The following MARCHF1 variants were observed in gnomAD, a reference collection of about 807,000 sequenced individuals.
MARCHF1 encodes membrane associated ring-CH-type finger 1, also known as E3 ubiquitin-protein ligase MARCHF1.
In MARCHF1, 40 loss-of-function variants were observed where a neutral mutation model predicts 54.2. The observed-to-expected ratio is 0.74, with a 90% confidence interval of 0.57 to 0.96. MARCHF1 has a LOEUF of 0.96. Ranked by LOEUF, MARCHF1 falls within the 40% of genes least tolerant of loss-of-function variation. MARCHF1 has a pLI of 0.00. For missense variants in MARCHF1, 586 were observed against 656.5 expected, an observed-to-expected ratio of 0.89 and a Z score of 1.17; for synonymous variants, 236 against 236.3, an observed-to-expected ratio of 1.00 and a Z score of 0.01.
chr4:164,351,624 T>C lies in MARCHF1; in HGVS notation c.-323+32246A>G, dbSNP rs1279151563. Among the ~76,000 whole-genome samples, 5 of 152,082 alleles carry C rather than the reference T, an allele frequency of 3.3e-5. No individual in the cohort carries two copies. The East Asian group carries it at 7.7e-4, about 24-fold the overall frequency. On this transcript the variant is annotated intron_variant, in intron 1 of 9. Transcript: ENST00000514618. ...AAAACCCATCTGTACATCACCATCA[T>C]CAAGACCAAAAGTAGATAAAACCAC...
At chr4:163,992,461 G>A (rs1024213575) in intron 2 of MARCHF1, among the ~76,000 whole-genome samples, 1 of 151,938 alleles carries the variant, frequency 6.6e-6, no homozygotes, top group Non-Finnish European at 1.5e-5. Flanking sequence ...AATAATATTA[G>A]ATCTAAATAC....
At chr4:164,208,955 T>G (rs191779593) in intron 1 of MARCHF1, among the ~76,000 whole-genome samples, 1 of 151,414 alleles carries the variant, frequency 6.6e-6, no homozygotes, top group Non-Finnish European at 1.5e-5. Context: ...TCTGTCTCTG[T>G]CTGTCTGTCT....
intron 4 of MARCHF1, among the ~76,000 whole-genome samples, chr4:163,721,880 T>A (rs1745476120): frequency 1.3e-5 from 2 of 152,040 alleles, no homozygotes; most frequent in Admixed American, 6.6e-5. Context: ...GTGACATCCC[T>A]TTTATCATTT....
At chr4:163,814,189 C>T (rs546021397) in intron 4 of MARCHF1, among the ~76,000 whole-genome samples, 103 of 152,274 alleles carry the variant, frequency 6.8e-4, no homozygotes, top group Non-Finnish European at 9.7e-4. Context: ...CTTGCCCTTT[C>T]GACCCTCACA....
chr4:164,206,057 C>G (rs991650763), intron 1 of MARCHF1, among the ~76,000 whole-genome samples: 1 of 152,106 alleles, frequency 6.6e-6, no homozygotes, highest in Non-Finnish European at 1.5e-5. Flanking sequence ...ATTTGGTATT[C>G]TTAGATTTCT....
chr4:164,286,503 GA>G (rs887971219), intron 1 of MARCHF1, among the ~76,000 whole-genome samples: 36 of 151,596 alleles, frequency 2.4e-4, no homozygotes, highest in Non-Finnish European at 4.0e-4. Context: ...TGTTTCTTCA[GA>G]AAAAAATATA....
intron 7 of MARCHF1, among the ~76,000 whole-genome samples, chr4:163,599,297 T>TTATATATATATATATATATATATATATA (rs150458467): frequency 2.3e-3 from 340 of 146,514 alleles, no homozygotes; most frequent in South Asian, 3.0e-3. Flanking sequence ...CTCAAAAAAA[T>TTATATATATATATATATATATATATATA]TATATATATA....
At position 163,612,501 on chromosome 4, in the gene MARCHF1, A is replaced by G; in HGVS notation, c.780T>C (p.Asn260=). Residue 260 remains asparagine (N), a synonymous_variant, in exon 7 of 10, where the codon AAT becomes AAC. Transcript: ENST00000514618. ...GSSEIKRSSR[N]HEKSKGRYHH... ...GATATCTGCCTTTGCTCTTCTCATG[A>G]TTCCTTGAGGATCTCTTAATTTCAG... The G allele has an allele frequency of 2.6e-6, 4 of 1,535,142 alleles. No homozygotes were observed. Among genetic ancestry groups the G allele is most frequent in the Non-Finnish European group, 2.6e-6 (3 of 1,146,450 alleles).
At chr4:163,943,498 G>A (rs867241459) in intron 3 of MARCHF1, among the ~76,000 whole-genome samples, 1 of 152,078 alleles carries the variant, frequency 6.6e-6, no homozygotes, top group Non-Finnish European at 1.5e-5. Context: ...GGATGTAAGT[G>A]TGCAGCCTTA....
In MARCHF1 at chr4:164,324,229, T is replaced by C. The variant is rs553258224; in HGVS notation, c.-323+59641A>G. On this transcript the variant is annotated intron_variant, in intron 1 of 9. Coordinates refer to ENST00000514618, the MANE Select transcript of MARCHF1 (RefSeq NM_001394959.1). ...AAGTAGGAAAGGCATTTGACACATTTCATACATTCCTAAAGGAAATTCTGA... is the reference window on the plus strand; with the variant it reads ...AAGTAGGAAAGGCATTTGACACATTCCATACATTCCTAAAGGAAATTCTGA... Among the ~76,000 whole-genome samples, 10 of 151,816 alleles carry C rather than the reference T, an allele frequency of 6.6e-5. 1 individual carries two copies. The South Asian group carries it at 1.7e-3, about 25-fold the overall frequency.
At position 163,636,794 on chromosome 4, in the gene MARCHF1, C is replaced by G. The variant is rs1288941426; in HGVS notation, c.163-23401G>C. ...AAAGAGCCTGCATTGCCAAGTCAAT[C>G]CTAAGCCAAAAGAACAAAGCTGGAG... On this transcript the variant is annotated intron_variant, in intron 5 of 9. Coordinates refer to ENST00000514618, the MANE Select transcript of MARCHF1 (RefSeq NM_001394959.1). 2.0e-5 allele frequency among the ~76,000 whole-genome samples: 3 copies of G among 152,126 alleles called. No homozygotes were observed. The East Asian group carries it at 5.8e-4, about 29-fold the overall frequency.
chr4:164,094,982 T>C (rs1201018595), intron 2 of MARCHF1, among the ~76,000 whole-genome samples: 2 of 152,008 alleles, frequency 1.3e-5, no homozygotes, highest in Non-Finnish European at 2.9e-5. Flanking sequence ...CCATTAACAG[T>C]AAACAAACCA....
At chr4:163,673,377 T>G (rs1282938088) in intron 5 of MARCHF1, among the ~76,000 whole-genome samples, 1 of 152,192 alleles carries the variant, frequency 6.6e-6, no homozygotes, top group Admixed American at 6.5e-5. Flanking sequence ...GTTTGGAATC[T>G]CCAGACCTTT....
chr4:163,974,963 A>G (rs1752619642), intron 3 of MARCHF1, among the ~76,000 whole-genome samples: 1 of 152,184 alleles, frequency 6.6e-6, no homozygotes, highest in Non-Finnish European at 1.5e-5. Context: ...CTAAGCAAGA[A>G]TTCCTCCTGC....
At chr4:163,615,236 G>A (rs1741473738) in intron 5 of MARCHF1, among the ~76,000 whole-genome samples, 1 of 152,092 alleles carries the variant, frequency 6.6e-6, no homozygotes, top group Non-Finnish European at 1.5e-5. Flanking sequence ...AATTAATAAG[G>A]AGGTAACGAT....
rs186944499 is a variant in MARCHF1, at chr4:164,211,509, A to T, written c.-322-99847T>A. On this transcript the variant is annotated intron_variant, in intron 1 of 9. Coordinates refer to ENST00000514618, the MANE Select transcript of MARCHF1 (RefSeq NM_001394959.1). ...GGCAAAAGTCAAAGGCCCAGTTAAG[A>T]GACTGTTTTAAAAATAGGAAATAAT... is the stretch of plus-strand genomic sequence containing the variant. Among the ~76,000 whole-genome samples the T allele has an allele frequency of 8.7e-4, 133 of 152,128 alleles. 1 individual carries two copies. Among genetic ancestry groups the T allele is most frequent in the South Asian group, 1.2e-3 (6 of 4,828 alleles).
At chr4:163,830,632 A>T (rs914005601) in intron 4 of MARCHF1, among the ~76,000 whole-genome samples, 2 of 152,252 alleles carry the variant, frequency 1.3e-5, no homozygotes, top group South Asian at 4.2e-4. Flanking sequence ...TATGCTCTCC[A>T]GCTGGCCACA....
At chr4:164,194,851 G>A (rs183516648) in intron 1 of MARCHF1, among the ~76,000 whole-genome samples, 1 of 152,046 alleles carries the variant, frequency 6.6e-6, no homozygotes, top group East Asian at 1.9e-4. Context: ...ATGCAGGTTT[G>A]TTACATAGAT....
At chr4:163,993,956 T>C (rs1267079342) in intron 2 of MARCHF1, among the ~76,000 whole-genome samples, 2 of 152,122 alleles carry the variant, frequency 1.3e-5, no homozygotes, top group African/African-American at 4.8e-5. Context: ...AAAAACAAGA[T>C]TTATTTTGGC....
Sources: gnomAD v4.1 joint callset for allele counts (sites outside exome capture counted in the v4.1 genomes callset) on GRCh38, gnomAD v4.1.1 for gene constraint, MANE v1.5 for transcripts, NCBI Gene and HGNC (gene_info 2026-07-23, HGNC 2026-07-21) for gene names.